The following KIF1B variants were observed in gnomAD, a reference collection of about 807,000 sequenced individuals.
KIF1B encodes kinesin family member 1B.
Under a neutral mutation model 241.9 loss-of-function variants are expected in KIF1B, and 76 were observed. The ratio of observed to expected loss-of-function variants is 0.31; its 90% CI spans 0.26 to 0.38. KIF1B has a LOEUF of 0.38. KIF1B is among the 10% of genes least tolerant of loss of function. The pLI is 1.00. For synonymous variants in KIF1B, 750 were observed against 796.7 expected, an observed-to-expected ratio of 0.94 and a Z score of 0.99; for missense variants, 1,622 against 2,271.4, an observed-to-expected ratio of 0.71 and a Z score of 5.81.
chr1:10,247,967 A>G (rs770645476), intron 2 of KIF1B, among the ~76,000 whole-genome samples: 3 of 152,146 alleles, frequency 2.0e-5, no homozygotes, highest in Non-Finnish European at 4.4e-5. Flanking sequence ...TCATGCTGGT[A>G]TGAGAATCTG....
chr1:10,361,775 A>G lies in KIF1B; in HGVS notation c.4254A>G (p.Pro1418=). 1 of 1,614,062 alleles carries G rather than the reference A, an allele frequency of 6.2e-7. No individual in the cohort carries two copies. Among genetic ancestry groups the G allele is most frequent in the Non-Finnish European group, 8.5e-7 (1 of 1,180,000 alleles). Residue 1418 remains proline (P), a synonymous_variant, in exon 40 of 49, where the codon CCA becomes CCG. Coordinates refer to ENST00000676179, the MANE Select transcript of KIF1B (RefSeq NM_001365951.3). ...CCCGAGATGCCAAGATCTCACCACCACGCTCTCTGCGTAGCCTCTTTGGCA... is the reference window on the plus strand; with the variant it reads ...CCCGAGATGCCAAGATCTCACCACCGCGCTCTCTGCGTAGCCTCTTTGGCA... ...FYSRDAKISP[P]RSLRSLFGSG...
At position 10,361,001 on chromosome 1, in the gene KIF1B, C is replaced by T. The variant is rs148877444; in HGVS notation, c.4128C>T (p.Pro1376=). 4 of 1,613,924 alleles carry T rather than the reference C, an allele frequency of 2.5e-6. No individual in the cohort carries two copies. The highest frequency in any genetic ancestry group is 3.3e-4 in the Middle Eastern group (2 of 6,060). Residue 1376 remains proline (P), a synonymous_variant, in exon 39 of 49, where the codon CCC becomes CCT. Transcript: ENST00000676179. ...CCCTTCTTCTGAACCGAGTGACACC[C>T]TATGGAGAAAAGATCTACATGACCT... The part of the protein sequence containing the change: ...HNSLLLNRVT[P]YGEKIYMTLS...
At chr1:10,257,289 C>T (rs570832603) in intron 3 of KIF1B, among the ~76,000 whole-genome samples, 2 of 127,908 alleles carry the variant, frequency 1.6e-5, no homozygotes, top group Admixed American at 9.1e-5. Flanking sequence ...AAGATGATAC[C>T]GTGCCTCTAC....
Position 10,365,145 on chromosome 1 carries a change from A to G in KIF1B, c.4412A>G (p.Tyr1471Cys), listed in dbSNP as rs771899115. The G allele has an allele frequency of 1.2e-6, 2 of 1,614,072 alleles. No homozygotes were observed. Among genetic ancestry groups the G allele is most frequent in the Non-Finnish European group, 1.7e-6 (2 of 1,179,988 alleles). The change falls in exon 42 of 49, where the codon TAT becomes TGT. Residue 1471 changes from tyrosine to cysteine, a missense_variant. Coordinates refer to ENST00000676179, the MANE Select transcript of KIF1B (RefSeq NM_001365951.3). The surrounding 1 kb of genome is among the most constrained non-coding windows in gnomAD (Gnocchi z 4.0). The part of the protein sequence containing the change: ...RRKILDTSVA[Y>C]VRGEENLAGW... ...AAAATCTTAGATACGTCAGTGGCATATGTGCGGGGAGAAGAGAACTTAGCA... is the reference window on the plus strand; with the variant it reads ...AAAATCTTAGATACGTCAGTGGCATGTGTGCGGGGAGAAGAGAACTTAGCA...
At chr1:10,243,893 TCTAGGC>T (rs1219991644) in intron 2 of KIF1B, among the ~76,000 whole-genome samples, 3 of 152,346 alleles carry the variant, frequency 2.0e-5, no homozygotes, top group East Asian at 3.9e-4. Context: ...TAGAGTGAAA[TCTAGGC>T]CTTGCAAATC....
At chr1:10,285,236 C>G (rs1283161145) in intron 15 of KIF1B, among the ~76,000 whole-genome samples, 1 of 152,190 alleles carries the variant, frequency 6.6e-6, no homozygotes, top group Non-Finnish European at 1.5e-5. Flanking sequence ...GATCTTAAGT[C>G]TTAACTATTT....
In KIF1B at chr1:10,316,985, G is replaced by A. The variant is rs544155172; in HGVS notation, c.2116-3058G>A. ...GGCTATTCACAGGCCTGATCATAGCGCACTACAGCCTTCAACTCCTGGGCT... is the reference window on the plus strand; with the variant it reads ...GGCTATTCACAGGCCTGATCATAGCACACTACAGCCTTCAACTCCTGGGCT... On this transcript the variant is annotated intron_variant, in intron 22 of 48. Coordinates refer to ENST00000676179, the MANE Select transcript of KIF1B (RefSeq NM_001365951.3). Among the ~76,000 whole-genome samples the A allele has an allele frequency of 1.9e-4, 28 of 151,294 alleles. 2 individuals are homozygous for A. The highest frequency in any genetic ancestry group is 9.7e-4 in the East Asian group (5 of 5,174).
intron 5 of KIF1B, among the ~76,000 whole-genome samples, chr1:10,264,786 C>T (rs192996375): frequency 4.0e-5 from 6 of 151,830 alleles, no homozygotes; most frequent in Admixed American, 2.0e-4. Flanking sequence ...CTCAGCCTCC[C>T]GAGAGGCTGG....
At chr1:10,283,027 G>A (rs991048792) in intron 15 of KIF1B, among the ~76,000 whole-genome samples, 4 of 151,958 alleles carry the variant, frequency 2.6e-5, no homozygotes, top group African/African-American at 9.7e-5. Context: ...CTAACACGGT[G>A]AGACCCTGTC....
rs577509475 is a variant in KIF1B, at chr1:10,307,901, C to G, written c.2115+10655C>G. 6.8e-5 allele frequency: 71 copies of G among 1,049,294 alleles called. No homozygotes were observed. In the South Asian group the frequency reaches 1.8e-3, roughly 27 times the overall value. 65.0% of individuals were successfully genotyped at this position (1,049,294 alleles called of 1,614,324 possible). On this transcript the variant is annotated intron_variant, in intron 22 of 48. Transcript: ENST00000676179. ...CCAAAGGGCATTTTCTTTATTCCTGCTTCTAATTCCTTCTAGCCCAGTGAA... is the reference window on the plus strand; with the variant it reads ...CCAAAGGGCATTTTCTTTATTCCTGGTTCTAATTCCTTCTAGCCCAGTGAA...
intron 22 of KIF1B, chr1:10,306,170 A>G: frequency 9.6e-7 from 1 of 1,039,482 alleles, no homozygotes; most frequent in Non-Finnish European, 1.2e-6. Context: ...TTTCCCCTTA[A>G]AAAGAGAAGC....
chr1:10,296,916 T>C lies in KIF1B; in HGVS notation c.1881T>C (p.Gly627=), dbSNP rs768820104. 7.4e-6 allele frequency: 12 copies of C among 1,614,040 alleles called. No homozygotes were observed. In the South Asian group the frequency reaches 1.3e-4, roughly 18 times the overall value. The change falls in exon 21 of 49, where the codon GGT becomes GGC. Residue 627 remains glycine (G), a synonymous_variant. Coordinates refer to ENST00000676179, the MANE Select transcript of KIF1B (RefSeq NM_001365951.3). ...QLRSGNRIIM[G]KNHVFRFNHP... ...TGCTAGGAAACCGTATCATCATGGG[T>C]AAAAACCATGTTTTCCGCTTTAACC... is the stretch of plus-strand genomic sequence containing the variant.
chr1:10,371,862 G>T (rs1263450853), intron 45 of KIF1B, among the ~76,000 whole-genome samples: 1 of 152,066 alleles, frequency 6.6e-6, no homozygotes, highest in Admixed American at 6.6e-5. Flanking sequence ...GAATCCAGGA[G>T]TTCAAGGTTG....
chr1:10,298,567 A>G (rs1650381059), intron 22 of KIF1B, among the ~76,000 whole-genome samples: 1 of 152,196 alleles, frequency 6.6e-6, no homozygotes. Context: ...ATGAAAACGG[A>G]AAGAACTAGC....
intron 48 of KIF1B, 141 bp downstream of exon 48, chr1:10,375,514 G>T: frequency 1.4e-6 from 1 of 738,400 alleles, no homozygotes; most frequent in Non-Finnish European, 2.4e-6. Flanking sequence ...CTCCCCAGTA[G>T]CTGAGACTAC....
intron 15 of KIF1B, among the ~76,000 whole-genome samples, chr1:10,289,832 C>T (rs1230215462): frequency 3.3e-5 from 5 of 152,040 alleles, no homozygotes; most frequent in African/African-American, 9.7e-5. Flanking sequence ...TGCAGTGAGC[C>T]GAGATCGCAC....
rs755794359 is a variant in KIF1B at position 10,238,381 on chromosome 1, C to CAAAAAA, written c.106+5962_106+5967dup. ...GGGCGACAAGAGCAAAACTTTGTCT[C>CAAAAAA]AAAAAAAAAAAAAAAAAAAATACAG... is the stretch of plus-strand genomic sequence containing the variant. On this transcript the variant is annotated intron_variant, in intron 2 of 48. Coordinates refer to ENST00000676179, the MANE Select transcript of KIF1B (RefSeq NM_001365951.3). 3.4e-3 allele frequency among the ~76,000 whole-genome samples: 295 copies of CAAAAAA among 87,096 alleles called. 5 individuals are homozygous for CAAAAAA. Among genetic ancestry groups the CAAAAAA allele is most frequent in the African/African-American group, 0.012 (278 of 23,050 alleles). 57.1% of individuals were successfully genotyped at this position (87,096 alleles called of 152,430 possible). A position where few individuals can be genotyped will look rare whatever the true frequency, so the allele number is the denominator to read the frequency against.
chr1:10,277,961 G>C, intron 12 of KIF1B, 25 bp from the exon 13 acceptor site: 5 of 1,609,106 alleles, frequency 3.1e-6, no homozygotes, highest in Non-Finnish European at 4.3e-6. Context: ...GAAATGACAA[G>C]AACAAATTTT....
At chr1:10,258,305 AGT>A (rs370894887) in intron 3 of KIF1B, among the ~76,000 whole-genome samples, 186 bp from the exon 4 acceptor site, 123 of 150,990 alleles carry the variant, frequency 8.1e-4, no homozygotes, top group Admixed American at 1.5e-3. Flanking sequence ...TGTGTTTGTG[AGT>A]GTGTGTGTGT....
Sources: gnomAD v4.1 joint callset for allele counts (sites outside exome capture counted in the v4.1 genomes callset) on GRCh38, gnomAD v4.1.1 for gene constraint, Gnocchi (gnomAD v3.1) non-coding constraint, MANE v1.5 for transcripts, NCBI Gene and HGNC (gene_info 2026-07-23, HGNC 2026-07-21) for gene names.